Variants in ADARB2 observed in about 807,000 individuals in gnomAD.
ADARB2 encodes the protein adenosine deaminase RNA specific B2 (inactive).
In ADARB2, 25 loss-of-function variants were observed where a neutral mutation model predicts 62.2. That is an observed-to-expected ratio of 0.40 (90% CI 0.29 to 0.56). The LOEUF is 0.56. ADARB2 is among the 20% of genes least tolerant of loss of function. The pLI is 0.43. For synonymous variants in ADARB2, 572 were observed against 500.8 expected, an observed-to-expected ratio of 1.14 and a Z score of -1.90; for missense variants, 1,071 against 1,077.4, an observed-to-expected ratio of 0.99 and a Z score of 0.08.
chr10:1,478,586 G>A (rs952157835), intron 1 of ADARB2, among the ~76,000 whole-genome samples: 1 of 152,182 alleles, frequency 6.6e-6, no homozygotes, highest in East Asian at 1.9e-4. Flanking sequence ...TCAGACGGGA[G>A]AGCACCAAAA....
At chr10:1,676,024 A>G in intron 1 of ADARB2, 1 of 985,358 alleles carries the variant, frequency 1.0e-6, no homozygotes. Flanking sequence ...GCTGTGAGTC[A>G]GGGCGCGTTT....
chr10:1,383,992 G>A lies in ADARB2; in HGVS notation c.101-4832C>T, dbSNP rs187029912. Among the ~76,000 whole-genome samples the A allele has an allele frequency of 3.0e-3, 459 of 152,280 alleles. 1 individual carries two copies. The highest frequency in any genetic ancestry group is 0.011 in the African/African-American group (440 of 41,544). On this transcript the variant is annotated intron_variant, in intron 1 of 9. Coordinates refer to ENST00000381312, the MANE Select transcript of ADARB2 (RefSeq NM_018702.4). ...TTATCCTATCTTTAAGATCAGAACA[G>A]CATCTTTGTTTCTCGGGCCACAAAA...
chr10:1,570,061 C>T (rs1244626275), intron 1 of ADARB2, among the ~76,000 whole-genome samples: 2 of 151,848 alleles, frequency 1.3e-5, no homozygotes, highest in African/African-American at 2.4e-5. Flanking sequence ...TTTTTGGCAC[C>T]GAGAACAAGA....
intron 1 of ADARB2, among the ~76,000 whole-genome samples, chr10:1,710,140 C>T (rs1834933285): frequency 6.6e-6 from 1 of 152,172 alleles, no homozygotes; most frequent in African/African-American, 2.4e-5. Flanking sequence ...AGTCTATGTC[C>T]TCATTGTTAA....
At chr10:1,401,963 T>C (rs1832667336) in intron 1 of ADARB2, among the ~76,000 whole-genome samples, 2 of 152,200 alleles carry the variant, frequency 1.3e-5, no homozygotes, top group African/African-American at 4.8e-5. Flanking sequence ...GTAATGCACA[T>C]TGTGCTGATA....
At position 1,451,677 on chromosome 10, in the gene ADARB2, A is replaced by C. The variant is rs535409351; in HGVS notation, c.101-72517T>G. Among the ~76,000 whole-genome samples, 21 of 151,876 alleles carry C rather than the reference A, an allele frequency of 1.4e-4. No homozygotes were observed. In the East Asian group the frequency reaches 2.9e-3, roughly 21 times the overall value. ...AGGGGACACACCTGTATAACAGGGG[A>C]CACACCTGTATGAGGAGGAATTACA... is the stretch of plus-strand genomic sequence containing the variant. On this transcript the variant is annotated intron_variant, in intron 1 of 9. Transcript: ENST00000381312.
chr10:1,509,694 A>T (rs372705947), intron 1 of ADARB2, among the ~76,000 whole-genome samples: 1 of 152,254 alleles, frequency 6.6e-6, no homozygotes, highest in Non-Finnish European at 1.5e-5. Flanking sequence ...GCTGATGTGC[A>T]GTTTCTCATT....
intron 1 of ADARB2, among the ~76,000 whole-genome samples, chr10:1,609,408 C>G (rs888752456): frequency 1.3e-5 from 2 of 152,200 alleles, no homozygotes; most frequent in African/African-American, 4.8e-5. Flanking sequence ...GAAGGCGGCA[C>G]CCCCACCTGC....
At chr10:1,406,763 C>A (rs1164711824) in intron 1 of ADARB2, among the ~76,000 whole-genome samples, 2 of 152,214 alleles carry the variant, frequency 1.3e-5, no homozygotes, top group South Asian at 4.1e-4. Context: ...GACACCAACG[C>A]CCTTTCCCCC....
Position 1,477,728 on chromosome 10 carries a change from G to A in ADARB2, c.101-98568C>T, listed in dbSNP as rs371107089. Among the ~76,000 whole-genome samples, 3 of 152,210 alleles carry A rather than the reference G, an allele frequency of 2.0e-5. No homozygotes were observed. The highest frequency in any genetic ancestry group is 3.8e-4 in the East Asian group (2 of 5,196). ...TGCTTAATTTTCAGAGAATGCCTTC[G>A]TGACTATTTCCCTTAGACATAAATA... On this transcript the variant is annotated intron_variant, in intron 1 of 9. Coordinates refer to ENST00000381312, the MANE Select transcript of ADARB2 (RefSeq NM_018702.4). The surrounding 1 kb of genome is among the most constrained non-coding windows in gnomAD (Gnocchi z 4.5).
chr10:1,469,822 T>C (rs1366753916), intron 1 of ADARB2, among the ~76,000 whole-genome samples: 2 of 152,226 alleles, frequency 1.3e-5, no homozygotes, highest in African/African-American at 4.8e-5. Flanking sequence ...AAGGGCTCCA[T>C]GGCAGGTGCA....
chr10:1,708,850 C>T (rs929403799), intron 1 of ADARB2, among the ~76,000 whole-genome samples: 2 of 152,126 alleles, frequency 1.3e-5, no homozygotes, highest in African/African-American at 2.4e-5. Flanking sequence ...CATCCTCCAG[C>T]CTGCAAGCCA....
chr10:1,606,101 G>A (rs11597244), intron 1 of ADARB2, among the ~76,000 whole-genome samples: 18,510 of 152,158 alleles, frequency 0.12, 1,274 homozygotes, highest in Non-Finnish European at 0.15. Flanking sequence ...GATCATTCCC[G>A]TTGGTGATTC....
intron 1 of ADARB2, among the ~76,000 whole-genome samples, chr10:1,550,878 G>A (rs1035307940): frequency 1.2e-4 from 18 of 152,082 alleles, no homozygotes; most frequent in Non-Finnish European, 2.2e-4. Context: ...AGCCCTGTTT[G>A]TGCCGCAACA....
At chr10:1,531,456 A>G (rs553820213) in intron 1 of ADARB2, among the ~76,000 whole-genome samples, 53 of 152,182 alleles carry the variant, frequency 3.5e-4, no homozygotes, top group Non-Finnish European at 7.2e-4. Flanking sequence ...ACCAATCTAC[A>G]ATATTCCACA....
chr10:1,340,918 GA>G (rs1440036304), intron 3 of ADARB2, among the ~76,000 whole-genome samples: 2 of 151,820 alleles, frequency 1.3e-5, no homozygotes, highest in African/African-American at 4.8e-5. Context: ...ATCCACCAGA[GA>G]ACAAAGTGTC....
At chr10:1,186,742 G>A (rs566144310) in intron 8 of ADARB2, among the ~76,000 whole-genome samples, 1 of 152,246 alleles carries the variant, frequency 6.6e-6, no homozygotes, top group African/African-American at 2.4e-5. Flanking sequence ...CCAAGTGCCT[G>A]CTCAGGTCCC....
At chr10:1,555,550 A>C (rs2813357) in intron 1 of ADARB2, among the ~76,000 whole-genome samples, 134,710 of 151,818 alleles carry the variant, frequency 0.89, 60,805 homozygotes, top group South Asian at 0.98. Flanking sequence ...TGTGCTCTTG[A>C]TAAAAATGAA....
At chr10:1,248,335 C>T (rs1180899196) in intron 4 of ADARB2, among the ~76,000 whole-genome samples, 1 of 150,844 alleles carries the variant, frequency 6.6e-6, no homozygotes, top group Admixed American at 6.6e-5. Flanking sequence ...CAAGGGCGTG[C>T]AACGTGTCAG....
Sources: gnomAD v4.1 joint callset for allele counts (sites outside exome capture counted in the v4.1 genomes callset) on GRCh38, gnomAD v4.1.1 for gene constraint, Gnocchi (gnomAD v3.1) non-coding constraint, MANE v1.5 for transcripts, NCBI Gene and HGNC (gene_info 2026-07-23, HGNC 2026-07-21) for gene names.